ITFG1: variants seen among roughly 807,000 people sequenced by gnomAD.
ITFG1 encodes the protein T-cell immunomodulatory protein.
A neutral mutation model predicts 81.8 loss-of-function variants in ITFG1; 34 were observed. The ratio of observed to expected loss-of-function variants is 0.42; its 90% CI spans 0.32 to 0.55. The LOEUF (loss-of-function observed/expected upper bound fraction) is 0.55. Ranked by LOEUF, ITFG1 falls within the 20% of genes least tolerant of loss-of-function variation. ITFG1 has a pLI of 0.17. For missense variants in ITFG1, 672 were observed against 755.4 expected (o/e 0.89, Z 1.29); for synonymous variants, 285 against 270.6 (o/e 1.05, Z -0.52).
intron 5 of ITFG1, among the ~76,000 whole-genome samples, chr16:47,432,786 T>C (rs1295070324): frequency 6.6e-6 from 1 of 152,220 alleles, no homozygotes; most frequent in Non-Finnish European, 1.5e-5. Flanking sequence ...TCCAATTTAA[T>C]AATGACTGAT....
intron 2 of ITFG1, among the ~76,000 whole-genome samples, chr16:47,456,394 T>A (rs907206353): frequency 7.9e-5 from 12 of 152,130 alleles, no homozygotes; most frequent in African/African-American, 2.9e-4. Flanking sequence ...ACCAAACTTT[T>A]AAGAGTGGGT....
At chr16:47,379,317 A>G (rs1968365783) in intron 6 of ITFG1, among the ~76,000 whole-genome samples, 1 of 152,270 alleles carries the variant, frequency 6.6e-6, no homozygotes, top group Non-Finnish European at 1.5e-5. Flanking sequence ...CATGAATCTC[A>G]GTCTCAAAGT....
chr16:47,406,628 G>A (rs1336735631), intron 6 of ITFG1, among the ~76,000 whole-genome samples: 3 of 152,140 alleles, frequency 2.0e-5, no homozygotes, highest in African/African-American at 4.8e-5. Context: ...ACAGTGAACC[G>A]AAGAAACAAT....
chr16:47,207,668 C>T (rs1389997494), intron 14 of ITFG1, among the ~76,000 whole-genome samples: 3 of 152,080 alleles, frequency 2.0e-5, no homozygotes, highest in African/African-American at 2.4e-5. Flanking sequence ...GTTAAGAAGG[C>T]GGGAGAGTAG....
At chr16:47,438,747 G>C (rs1436973389) in intron 5 of ITFG1, among the ~76,000 whole-genome samples, 1 of 152,168 alleles carries the variant, frequency 6.6e-6, no homozygotes, top group East Asian at 1.9e-4. Context: ...AAACAGAACA[G>C]AAAAACTAGA....
chr16:47,260,879 T>G (rs1046970246), intron 10 of ITFG1, among the ~76,000 whole-genome samples, 184 bp from the exon 11 acceptor site: 1 of 152,222 alleles, frequency 6.6e-6, no homozygotes, highest in Non-Finnish European at 1.5e-5. Flanking sequence ...TTTTCAACCT[T>G]TGGCAAAAAT....
chr16:47,359,916 G>A (rs1219461591), intron 8 of ITFG1, among the ~76,000 whole-genome samples: 1 of 151,968 alleles, frequency 6.6e-6, no homozygotes, highest in Non-Finnish European at 1.5e-5. Context: ...AATTGTTTTT[G>A]TCTTTCTTCC....
intron 14 of ITFG1, among the ~76,000 whole-genome samples, chr16:47,187,786 T>C (rs1965240644): frequency 6.6e-6 from 1 of 152,006 alleles, no homozygotes; most frequent in Non-Finnish European, 1.5e-5. Context: ...CCAAAGAGCT[T>C]CTGCACAGCA....
At chr16:47,181,423 G>A (rs548185045) in intron 14 of ITFG1, among the ~76,000 whole-genome samples, 2,131 of 140,128 alleles carry the variant, frequency 0.015, 96 homozygotes, top group African/African-American at 0.055. Flanking sequence ...CCCCCCGCCC[G>A]GCCAGCCGCC....
chr16:47,396,234 G>T, intron 6 of ITFG1: 1 of 876,912 alleles, frequency 1.1e-6, no homozygotes, highest in Non-Finnish European at 1.4e-6. Context: ...TGCCAAAATG[G>T]AGTAGGTACA....
At chr16:47,439,243 C>A (rs2151613554) in intron 5 of ITFG1, among the ~76,000 whole-genome samples, 1 of 152,206 alleles carries the variant, frequency 6.6e-6, no homozygotes, top group South Asian at 2.1e-4. Flanking sequence ...AGAATGGAAC[C>A]AAGTTGGAAA....
At chr16:47,359,817 C>T (rs1274216038) in intron 8 of ITFG1, among the ~76,000 whole-genome samples, 1 of 152,240 alleles carries the variant, frequency 6.6e-6, no homozygotes, top group East Asian at 1.9e-4. Context: ...CAACGAGCTA[C>T]TTAAAATAGC....
intron 6 of ITFG1, among the ~76,000 whole-genome samples, chr16:47,426,988 G>A (rs1301243268): frequency 6.6e-6 from 1 of 152,200 alleles, no homozygotes; most frequent in Non-Finnish European, 1.5e-5. Context: ...CAGGTGGGAA[G>A]TGGGGGCGGA....
intron 10 of ITFG1, among the ~76,000 whole-genome samples, chr16:47,273,539 T>C (rs1966365307): frequency 1.3e-5 from 2 of 152,320 alleles, no homozygotes; most frequent in East Asian, 1.9e-4. Flanking sequence ...AAGTTCACTT[T>C]ATCTCTGGGC....
At chr16:47,242,730 T>C (rs188733387) in intron 12 of ITFG1, among the ~76,000 whole-genome samples, 43 of 152,328 alleles carry the variant, frequency 2.8e-4, no homozygotes, top group Middle Eastern at 6.8e-3. Context: ...TAGGTCGAAG[T>C]AGAAAATTAT....
intron 8 of ITFG1, among the ~76,000 whole-genome samples, chr16:47,324,421 G>C (rs927075319): frequency 6.6e-6 from 1 of 152,084 alleles, no homozygotes; most frequent in African/African-American, 2.4e-5. Flanking sequence ...GGAAGAAACT[G>C]CATCAACTAA....
chr16:47,352,634 G>A (rs1259231179), intron 8 of ITFG1, among the ~76,000 whole-genome samples: 1 of 152,220 alleles, frequency 6.6e-6, no homozygotes, highest in African/African-American at 2.4e-5. Flanking sequence ...TTCAACCATT[G>A]TGGGAGTCAG....
intron 13 of ITFG1, among the ~76,000 whole-genome samples, chr16:47,222,699 C>T (rs771558251): frequency 2.0e-5 from 3 of 152,216 alleles, no homozygotes; most frequent in Non-Finnish European, 4.4e-5. Context: ...AGGCGTGAGC[C>T]ACTCTGCCCA....
At chr16:47,437,577 G>T (rs909813531) in intron 5 of ITFG1, among the ~76,000 whole-genome samples, 1 of 152,124 alleles carries the variant, frequency 6.6e-6, no homozygotes, top group African/African-American at 2.4e-5. Context: ...AGTTGTGGAT[G>T]AAAAAATAAC....
Sources: gnomAD v4.1 joint callset for allele counts (sites outside exome capture counted in the v4.1 genomes callset) on GRCh38, gnomAD v4.1.1 for gene constraint, MANE v1.5 for transcripts, NCBI Gene and HGNC (gene_info 2026-07-23, HGNC 2026-07-21) for gene names.